Variants in DISP1 observed in about 807,000 individuals in gnomAD.
DISP1 encodes dispatched RND transporter family member 1.
In DISP1, 30 loss-of-function variants were observed where a neutral mutation model predicts 37.3. The observed-to-expected ratio is 0.80, with a 90% CI of 0.60 to 1.09. The LOEUF (loss-of-function observed/expected upper bound fraction) is 1.09. DISP1 is among the 50% of genes least tolerant of loss of function. The pLI is 0.00. For missense variants in DISP1, 1,598 were observed against 1,879.5 expected (o/e 0.85, Z 2.77); for synonymous variants, 634 against 690.2 (o/e 0.92, Z 1.28).
In DISP1 at chr1:222,936,833, TTA is replaced by T. The variant is rs375506465; in HGVS notation, c.-17-5966_-17-5965del. 9.4e-3 allele frequency among the ~76,000 whole-genome samples: 305 copies of T among 32,488 alleles called. 13 individuals are homozygous for T. The highest frequency in any genetic ancestry group is 0.024 in the African/African-American group (247 of 10,430). The allele number at this position is 32,488 out of a possible 152,430, so 21.3% of individuals were successfully genotyped here. A position where few individuals can be genotyped will look rare whatever the true frequency, so the allele number is the denominator to read the frequency against. ...ATAAATTATATATAATATATATAAA[TTA>T]TATATATCATATATATGATATATAA... is the stretch of plus-strand genomic sequence containing the variant. On this transcript the variant is annotated intron_variant, in intron 2 of 8. Coordinates refer to ENST00000675850, the MANE Select transcript of DISP1 (RefSeq NM_001377229.1).
At chr1:222,896,720 A>G (rs1013801062) in intron 1 of DISP1, among the ~76,000 whole-genome samples, 2 of 152,352 alleles carry the variant, frequency 1.3e-5, no homozygotes, top group South Asian at 4.1e-4. Flanking sequence ...TTACATGGCA[A>G]ACAACTTTTA....
chr1:222,887,724 T>G (rs1230446261), intron 1 of DISP1, among the ~76,000 whole-genome samples: 2 of 148,186 alleles, frequency 1.3e-5, no homozygotes, highest in East Asian at 3.9e-4. Flanking sequence ...GGTCTCGATC[T>G]CCTGACCTCA....
chr1:222,959,214 G>GTCACACAATTTAA (rs1289269450), intron 3 of DISP1, among the ~76,000 whole-genome samples: 6 of 152,172 alleles, frequency 3.9e-5, no homozygotes, highest in Non-Finnish European at 7.3e-5. Context: ...AGTGAAGTAA[G>GTCACACAATTTAA]TGGACTTTAA....
chr1:222,943,475 A>C, intron 3 of DISP1, 143 bp downstream of exon 3: 1 of 1,161,060 alleles, frequency 8.6e-7, no homozygotes, highest in East Asian at 2.5e-5. Context: ...GATTGTGTGA[A>C]GCCAACAAAA....
chr1:222,874,397 C>T (rs1292195910), intron 1 of DISP1, among the ~76,000 whole-genome samples: 2 of 152,038 alleles, frequency 1.3e-5, no homozygotes, highest in African/African-American at 2.4e-5. Context: ...TTCTCCCCAT[C>T]GTAGATTTGG....
chr1:222,970,488 A>C (rs963721390), intron 3 of DISP1, among the ~76,000 whole-genome samples: 1 of 152,194 alleles, frequency 6.6e-6, no homozygotes, highest in Non-Finnish European at 1.5e-5. Context: ...AAATATTTTA[A>C]CATCAAATTT....
intron 4 of DISP1, among the ~76,000 whole-genome samples, chr1:222,984,458 AGCGT>A (rs1490773535): frequency 7.1e-6 from 1 of 140,960 alleles, no homozygotes; most frequent in African/African-American, 2.7e-5. Context: ...AGAGAGAGAG[AGCGT>A]ACTCATATAT....
intron 3 of DISP1, among the ~76,000 whole-genome samples, chr1:222,977,404 G>A (rs1677440463): frequency 7.5e-6 from 1 of 133,540 alleles, no homozygotes; most frequent in East Asian, 2.2e-4. Context: ...TAAGGACTTA[G>A]TTGTCTTGTC....
intron 8 of DISP1, among the ~76,000 whole-genome samples, chr1:222,998,556 G>A (rs1417336404): frequency 6.6e-6 from 1 of 152,102 alleles, no homozygotes; most frequent in African/African-American, 2.4e-5. Flanking sequence ...TAACAGAAAT[G>A]CTTGTTTCCT....
chr1:222,894,696 C>A (rs1284627854), intron 1 of DISP1, among the ~76,000 whole-genome samples: 3 of 152,174 alleles, frequency 2.0e-5, no homozygotes, highest in Admixed American at 2.0e-4. Context: ...GGGGCTCCTG[C>A]TTTGCCAATT....
chr1:222,977,920 T>C (rs1357637772), intron 3 of DISP1, among the ~76,000 whole-genome samples: 2 of 152,250 alleles, frequency 1.3e-5, no homozygotes, highest in Non-Finnish European at 2.9e-5. Context: ...CACATTTTCT[T>C]AATCCAGTCT....
intron 1 of DISP1, among the ~76,000 whole-genome samples, chr1:222,904,234 G>C (rs61840863): frequency 6.6e-6 from 1 of 151,970 alleles, no homozygotes; most frequent in Non-Finnish European, 1.5e-5. Context: ...AAATTAAAAC[G>C]TAATCTCCAA....
intron 1 of DISP1, among the ~76,000 whole-genome samples, chr1:222,833,371 G>T (rs962654873): frequency 6.6e-5 from 10 of 152,190 alleles, no homozygotes; most frequent in African/African-American, 2.4e-4. Flanking sequence ...TGTGGGTTCT[G>T]ATCAATGGTA....
chr1:222,862,338 G>A (rs1164258342), intron 1 of DISP1, among the ~76,000 whole-genome samples: 2 of 152,050 alleles, frequency 1.3e-5, no homozygotes, highest in African/African-American at 4.8e-5. Context: ...TTGAGAATCA[G>A]TTGTTGCCAT....
At chr1:222,979,270 G>A (rs1677646668) in intron 3 of DISP1, among the ~76,000 whole-genome samples, 2 of 152,108 alleles carry the variant, frequency 1.3e-5, no homozygotes, top group Admixed American at 1.3e-4. Context: ...AAAATTAACT[G>A]GGTGTCATGG....
chr1:222,965,328 G>A (rs1231296064), intron 3 of DISP1, among the ~76,000 whole-genome samples: 1 of 152,100 alleles, frequency 6.6e-6, no homozygotes, highest in African/African-American at 2.4e-5. Flanking sequence ...TTAGGTCAGT[G>A]TTTGGCACAT....
At chr1:222,853,517 TAAAGAA>T (rs142778032) in intron 1 of DISP1, among the ~76,000 whole-genome samples, 26,596 of 151,844 alleles carry the variant, frequency 0.18, 2,614 homozygotes, top group Middle Eastern at 0.3. Flanking sequence ...GCTGAATGGA[TAAAGAA>T]AATGTATATA....
intron 3 of DISP1, among the ~76,000 whole-genome samples, chr1:222,959,433 G>T (rs1294385737): frequency 6.6e-6 from 1 of 151,948 alleles, no homozygotes; most frequent in Non-Finnish European, 1.5e-5. Flanking sequence ...GGGCACGGTG[G>T]CTCACACCTG....
At chr1:222,869,158 T>C (rs2125340153) in intron 1 of DISP1, among the ~76,000 whole-genome samples, 1 of 152,240 alleles carries the variant, frequency 6.6e-6, no homozygotes, top group East Asian at 1.9e-4. Flanking sequence ...CCCAAATAAG[T>C]GTAAATGCTC....
Sources: allele counts gnomAD v4.1 joint callset (sites outside exome capture counted in the v4.1 genomes callset), GRCh38; gene constraint gnomAD v4.1.1; transcripts MANE v1.5; gene names NCBI Gene and HGNC (gene_info 2026-07-23, HGNC 2026-07-21).